SNTG1: variants seen among roughly 807,000 people sequenced by gnomAD.
SNTG1 encodes the protein syntrophin gamma 1.
SNTG1 carries 39 observed loss-of-function variants against 74.7 expected under a neutral mutation model. The observed-to-expected ratio is 0.52, with a 90% CI of 0.40 to 0.68. The LOEUF is 0.68. Among genes scored for constraint, SNTG1 ranks in the 30% least tolerant of loss-of-function variants. The pLI is 0.00. For synonymous variants in SNTG1, 254 were observed against 217.1 expected (o/e 1.17, Z -1.49); for missense variants, 685 against 609.5 (o/e 1.12, Z -1.30).
At chr8:50,740,290 C>T (rs1033781577) in intron 17 of SNTG1, among the ~76,000 whole-genome samples, 1 of 150,888 alleles carries the variant, frequency 6.6e-6, no homozygotes, top group African/African-American at 2.4e-5. Flanking sequence ...AAAAAACAGC[C>T]TTATTAAAAA....
chr8:50,310,380 C>A (rs1272034001), intron 2 of SNTG1, among the ~76,000 whole-genome samples: 1 of 152,096 alleles, frequency 6.6e-6, no homozygotes, highest in African/African-American at 2.4e-5. Flanking sequence ...CTTAAACAGT[C>A]GCAATTTTAT....
chr8:50,464,889 G>A (rs1381571174), intron 8 of SNTG1, among the ~76,000 whole-genome samples: 1 of 149,186 alleles, frequency 6.7e-6, no homozygotes, highest in African/African-American at 2.5e-5. Context: ...AACTGAAAAA[G>A]TCAAAATATT....
intron 11 of SNTG1, among the ~76,000 whole-genome samples, chr8:50,540,055 C>T (rs2094335456): frequency 6.6e-6 from 1 of 151,990 alleles, no homozygotes. Context: ...ATTTGAAGTC[C>T]CTAGCCATTC....
intron 17 of SNTG1, among the ~76,000 whole-genome samples, chr8:50,725,065 A>G (rs973679027): frequency 1.3e-5 from 2 of 152,174 alleles, no homozygotes; most frequent in African/African-American, 4.8e-5. Flanking sequence ...TCATATTCAA[A>G]ATGAGTATAT....
chr8:50,565,812 C>G (rs1256832786), intron 12 of SNTG1, among the ~76,000 whole-genome samples: 1 of 151,788 alleles, frequency 6.6e-6, no homozygotes, highest in Non-Finnish European at 1.5e-5. Context: ...CTGTAGCTAT[C>G]CAGGAGTATG....
intron 1 of SNTG1, among the ~76,000 whole-genome samples, chr8:49,989,841 C>A (rs547938429): frequency 2.0e-5 from 3 of 151,936 alleles, no homozygotes; most frequent in African/African-American, 4.8e-5. Context: ...TAAAGAAAAT[C>A]TGTGTAATTA....
At position 50,355,282 on chromosome 8, in the gene SNTG1, A is replaced by AT. The variant is rs1401293626; in HGVS notation, c.-27-38924dup. On this transcript the variant is annotated intron_variant, in intron 2 of 18. Coordinates refer to ENST00000642720, the MANE Select transcript of SNTG1 (RefSeq NM_018967.5). The stretch of plus-strand genomic sequence containing the variant: ...AAATAAATTAAATAGTCATTCACTG[A>AT]TTTTTTCATTAATTAAATTGCCACC... Among the ~76,000 whole-genome samples the AT allele has an allele frequency of 3.9e-5, 6 of 152,216 alleles. No individual in the cohort carries two copies. In the East Asian group the frequency reaches 5.8e-4, roughly 15 times the overall value.
intron 3 of SNTG1, among the ~76,000 whole-genome samples, chr8:50,396,544 A>G (rs2092731119): frequency 6.6e-6 from 1 of 152,228 alleles, no homozygotes; most frequent in Non-Finnish European, 1.5e-5. Flanking sequence ...CTACTGCTAC[A>G]ATGCAGTACA....
Position 50,023,560 on chromosome 8 carries a change from T to C in SNTG1, c.-103+111329T>C, listed in dbSNP as rs1244798492. ...TGTCCTTAAAAAGTTTATTCATGTA[T>C]GCAAATATGAGTTTCTGAAAATTTC... On this transcript the variant is annotated intron_variant, in intron 1 of 18. Transcript: ENST00000642720. 2.0e-5 allele frequency among the ~76,000 whole-genome samples: 3 copies of C among 152,166 alleles called. No homozygotes were observed. The South Asian group carries it at 6.2e-4, about 32-fold the overall frequency.
At chr8:50,343,378 T>C (rs1382387971) in intron 2 of SNTG1, among the ~76,000 whole-genome samples, 2 of 152,240 alleles carry the variant, frequency 1.3e-5, no homozygotes, top group African/African-American at 4.8e-5. Context: ...TTTATAAAAC[T>C]GTATTTTAAG....
At chr8:50,369,844 T>C (rs1478489281) in intron 2 of SNTG1, among the ~76,000 whole-genome samples, 1 of 152,208 alleles carries the variant, frequency 6.6e-6, no homozygotes, top group East Asian at 1.9e-4. Context: ...CCAAGTGTCA[T>C]TCTAGGGAAA....
At chr8:50,623,748 C>A (rs1474924000) in intron 13 of SNTG1, among the ~76,000 whole-genome samples, 1 of 151,856 alleles carries the variant, frequency 6.6e-6, no homozygotes, top group African/African-American at 2.4e-5. Flanking sequence ...TTGAAAAATA[C>A]ATACAAATAA....
chr8:50,003,197 A>G (rs1291298743), intron 1 of SNTG1, among the ~76,000 whole-genome samples: 2 of 152,200 alleles, frequency 1.3e-5, no homozygotes, highest in Non-Finnish European at 2.9e-5. Context: ...TTATGACTGT[A>G]TTAAAAACCA....
intron 8 of SNTG1, chr8:50,491,107 C>T (rs1382526066): frequency 2.6e-5 from 4 of 152,396 alleles, no homozygotes; most frequent in Admixed American, 2.6e-4. Flanking sequence ...TGGCCCAGGG[C>T]CCTTCCTGCC....
chr8:50,269,510 C>A (rs1468813928), intron 2 of SNTG1, among the ~76,000 whole-genome samples: 3 of 152,032 alleles, frequency 2.0e-5, no homozygotes, highest in Non-Finnish European at 4.4e-5. Context: ...TTCATTCTTA[C>A]AACTGCTTGC....
intron 8 of SNTG1, among the ~76,000 whole-genome samples, chr8:50,478,733 G>A (rs1036431701): frequency 2.0e-5 from 3 of 152,172 alleles, no homozygotes; most frequent in Middle Eastern, 3.4e-3. Context: ...GTATGTTCTG[G>A]AGTTTGTATT....
chr8:50,367,791 A>ACG (rs1458276377), intron 2 of SNTG1, among the ~76,000 whole-genome samples: 1 of 152,134 alleles, frequency 6.6e-6, no homozygotes, highest in Non-Finnish European at 1.5e-5. Flanking sequence ...ACACACACAC[A>ACG]CACGCACACA....
intron 13 of SNTG1, among the ~76,000 whole-genome samples, chr8:50,617,238 T>C (rs1172028327): frequency 6.6e-6 from 1 of 152,178 alleles, no homozygotes; most frequent in African/African-American, 2.4e-5. Flanking sequence ...AGGAACCTGC[T>C]AATTTATGTT....
rs373490848 is a variant in SNTG1 at position 50,580,584 on chromosome 8, C to T, written c.811-10295C>T. On this transcript the variant is annotated intron_variant, in intron 12 of 18. Coordinates refer to ENST00000642720, the MANE Select transcript of SNTG1 (RefSeq NM_018967.5). ...TAACTGAATCATGGGGATGGTTACC[C>T]TCATGCTGTTCTCATTATAGTGAGT... is the stretch of plus-strand genomic sequence containing the variant. 1.4e-3 allele frequency among the ~76,000 whole-genome samples: 210 copies of T among 152,174 alleles called. 9 individuals carry two copies. The South Asian group carries it at 0.041, about 30-fold the overall frequency.
Sources: gnomAD v4.1 joint callset for allele counts (sites outside exome capture counted in the v4.1 genomes callset) on GRCh38, gnomAD v4.1.1 for gene constraint, MANE v1.5 for transcripts, NCBI Gene and HGNC (gene_info 2026-07-23, HGNC 2026-07-21) for gene names.